Variants in TRAPPC8 observed in about 807,000 individuals in gnomAD.
TRAPPC8 encodes general sporulation gene 1 homolog.
Under a neutral mutation model 174.3 loss-of-function variants are expected in TRAPPC8, and 54 were observed. The ratio of observed to expected loss-of-function variants is 0.31; its 90% CI spans 0.25 to 0.39. TRAPPC8 has a LOEUF of 0.39. TRAPPC8 is among the 10% of genes least tolerant of loss of function. The probability of loss-of-function intolerance (pLI) is 1.00; values close to 1 mark genes in which losing one functional copy is unlikely to be tolerated. For synonymous variants in TRAPPC8, 630 were observed against 579.9 expected (o/e 1.09, Z -1.24); for missense variants, 1,531 against 1,699.1 (o/e 0.90, Z 1.74).
chr18:31,929,657 C>A (rs1046858033), intron 2 of TRAPPC8, among the ~76,000 whole-genome samples: 1 of 152,122 alleles, frequency 6.6e-6, no homozygotes, highest in Non-Finnish European at 1.5e-5. Context: ...CAGAGTGAGA[C>A]CCTGTCACAA....
At chr18:31,899,281 C>T (rs1372457815) in intron 10 of TRAPPC8, among the ~76,000 whole-genome samples, 2 of 152,198 alleles carry the variant, frequency 1.3e-5, no homozygotes, top group African/African-American at 4.8e-5. Flanking sequence ...TCAGTTTCCT[C>T]ATCTGTAAAA....
chr18:31,917,622 G>A lies in TRAPPC8; in HGVS notation c.398C>T (p.Ser133Leu), dbSNP rs571192654. 29 of 1,613,362 alleles carry A rather than the reference G, an allele frequency of 1.8e-5. No individual in the cohort carries two copies. The highest frequency in any genetic ancestry group is 4.5e-5 in the East Asian group (2 of 44,834). ...AAATTCATGATCCAATGCTGGCATC[G>A]ACTGAAGAAAGGTTTCTCTGTAAGA... ...FESYRETFLQ[S>L]MPALDHEFLN... Residue 133 changes from serine to leucine, a missense_variant, in exon 3 of 29, where the codon TCG (serine) becomes TTG (leucine). Physicochemically the swap from Ser to Leu is moderately radical, Grantham distance 145 (BLOSUM62 -2). Transcript: ENST00000283351.
chr18:31,837,299 A>C (rs1018015507), intron 27 of TRAPPC8, among the ~76,000 whole-genome samples: 1 of 147,694 alleles, frequency 6.8e-6, no homozygotes, highest in African/African-American at 2.5e-5. Flanking sequence ...CAAATTAGTA[A>C]AACCACTTTG....
chr18:31,846,035 A>G (rs1012097623), intron 26 of TRAPPC8, among the ~76,000 whole-genome samples: 1 of 152,144 alleles, frequency 6.6e-6, no homozygotes, highest in Non-Finnish European at 1.5e-5. Context: ...GAGCTCTGCA[A>G]TGATATCCTG....
At chr18:31,861,665 G>A (rs183046074) in intron 19 of TRAPPC8, among the ~76,000 whole-genome samples, 3 of 151,978 alleles carry the variant, frequency 2.0e-5, no homozygotes, top group East Asian at 1.9e-4. Flanking sequence ...TGCTGGGCAC[G>A]GTTGCTCATG....
intron 25 of TRAPPC8, among the ~76,000 whole-genome samples, chr18:31,849,350 G>A (rs898226180): frequency 6.6e-6 from 1 of 151,344 alleles, no homozygotes; most frequent in East Asian, 1.9e-4. Context: ...CAATATTCTC[G>A]GTAACACACA....
Position 31,830,401 on chromosome 18 carries a change from GCCTTT to G in TRAPPC8, c.*349_*353del, listed in dbSNP as rs1233475731. ...GCTTAACAGGAGTACTGCCAACAAG[GCCTTT>G]CCTTTCTCAGAATCATCTCCTAATA... On this transcript the variant is annotated 3_prime_UTR_variant, in exon 29 of 29. Coordinates refer to ENST00000283351, the MANE Select transcript of TRAPPC8 (RefSeq NM_014939.5). The G allele has an allele frequency of 5.2e-6, 1 of 191,738 alleles. No homozygotes were observed. Among genetic ancestry groups the G allele is most frequent in the Non-Finnish European group, 1.1e-5 (1 of 93,456 alleles). 11.9% of individuals were successfully genotyped at this position (191,738 alleles called of 1,614,324 possible).
In TRAPPC8 at chr18:31,907,721, C is replaced by T. The variant is rs913516446; in HGVS notation, c.1239-111G>A. 3.2e-6 allele frequency: 3 copies of T among 925,320 alleles called. No individual in the cohort carries two copies. The East Asian group carries it at 8.9e-5, about 27-fold the overall frequency. The allele number at this position is 925,320 out of a possible 1,614,324, so 57.3% of individuals were successfully genotyped here. A position where few individuals can be genotyped will look rare whatever the true frequency, so the allele number is the denominator to read the frequency against. ...TTCTAGAATATGAAGAAAACTAATG[C>T]TGTTTCAAAGAAATTCTACCTCCAA... On this transcript the variant is annotated intron_variant, in intron 8 of 28. Coordinates refer to ENST00000283351, the MANE Select transcript of TRAPPC8 (RefSeq NM_014939.5).
At chr18:31,919,592 A>AT (rs35005941) in intron 2 of TRAPPC8, among the ~76,000 whole-genome samples, 59 of 61,668 alleles carry the variant, frequency 9.6e-4, no homozygotes, top group Middle Eastern at 6.4e-3. Context: ...AAATAAATAA[A>AT]ATAATAATAA....
At chr18:31,854,042 T>C in intron 21 of TRAPPC8, 97 bp from the exon 22 acceptor site, 1 of 894,356 alleles carries the variant, frequency 1.1e-6, no homozygotes, top group Non-Finnish European at 1.7e-6. Context: ...CCAAAGTCAA[T>C]GTCAATTAAC....
chr18:31,903,875 T>C (rs200432506), intron 9 of TRAPPC8, among the ~76,000 whole-genome samples: 5 of 147,612 alleles, frequency 3.4e-5, no homozygotes, highest in East Asian at 4.0e-4. Context: ...AAAAACAAAC[T>C]CATTCTACTG....
chr18:31,863,392 A>G (rs1313264807), intron 19 of TRAPPC8, among the ~76,000 whole-genome samples: 1 of 152,216 alleles, frequency 6.6e-6, no homozygotes, highest in East Asian at 1.9e-4. Flanking sequence ...TAGAACATGG[A>G]CAAAATATAT....
chr18:31,879,715 A>G (rs770386014), intron 12 of TRAPPC8, among the ~76,000 whole-genome samples: 4 of 152,088 alleles, frequency 2.6e-5, no homozygotes, highest in Non-Finnish European at 5.9e-5. Context: ...TGATGAGACT[A>G]CTAGGCAAGA....
chr18:31,915,888 G>GAAA (rs775582621), intron 4 of TRAPPC8, among the ~76,000 whole-genome samples: 1 of 82,856 alleles, frequency 1.2e-5, no homozygotes, highest in Non-Finnish European at 2.3e-5. Context: ...CTCCATCTCA[G>GAAA]AAAAAAAAAA....
At position 31,943,111 on chromosome 18, in the gene TRAPPC8, C is replaced by G. The variant is rs914687117; in HGVS notation, c.-347G>C. ...CGCCATGTTGAGGCCGAACCCTGAC[C>G]AACCGGCAGTACTACTCCCAGCTGC... On this transcript the variant is annotated 5_prime_UTR_variant, in exon 1 of 29. Transcript: ENST00000283351. The G allele has an allele frequency of 2.5e-6, 1 of 402,986 alleles. No homozygotes were observed. The highest frequency in any genetic ancestry group is 2.1e-5 in the African/African-American group (1 of 48,624). 25.0% of individuals were successfully genotyped at this position (402,986 alleles called of 1,614,324 possible).
chr18:31,838,370 T>C (rs1415888820), intron 27 of TRAPPC8, among the ~76,000 whole-genome samples: 3 of 152,204 alleles, frequency 2.0e-5, no homozygotes, highest in Non-Finnish European at 4.4e-5. Flanking sequence ...GTCCCTTCTT[T>C]AGCGCAAAGC....
chr18:31,929,910 G>T (rs1010157800), intron 2 of TRAPPC8, among the ~76,000 whole-genome samples: 4 of 151,842 alleles, frequency 2.6e-5, no homozygotes, highest in Admixed American at 1.3e-4. Flanking sequence ...AGATTTTTTT[G>T]ACTGGTAAAG....
chr18:31,857,741 A>G lies in TRAPPC8; in HGVS notation c.2987T>C (p.Ile996Thr), dbSNP rs1442986667. Residue 996 changes from isoleucine (I) to threonine (T), a missense_variant, in exon 20 of 29, where the codon ATA becomes ACA. Physicochemically the swap from Ile to Thr is moderately conservative, Grantham distance 89 (BLOSUM62 -1). Coordinates refer to ENST00000283351, the MANE Select transcript of TRAPPC8 (RefSeq NM_014939.5). ...AAAGTCTACAGAAGAAGCTGATGAT[A>G]TGAGTGCTGTACACACAGAGGTAGC... ...TDATSVCTAL[I>T]SSASSVDFGI... The G allele has an allele frequency of 1.3e-5, 21 of 1,614,054 alleles. No individual in the cohort carries two copies. Among genetic ancestry groups the G allele is most frequent in the Non-Finnish European group, 1.5e-5 (18 of 1,180,026 alleles).
rs1414381468 is a variant in TRAPPC8, at chr18:31,913,444, T to C, written c.696A>G (p.Thr232=). 1.4e-5 allele frequency: 22 copies of C among 1,611,854 alleles called. No individual in the cohort carries two copies. Among genetic ancestry groups the C allele is most frequent in the Admixed American group, 1.7e-5 (1 of 59,682 alleles). ...GCYLLKINSR[T]SNRASDEQIP... is the part of the protein sequence containing the mutation. ...TCTGTTCATCTGATGCTCGATTAGA[T>C]GTTCGAGAATTAATTTTAAGTAAAT... Residue 232 remains threonine, a synonymous_variant, in exon 5 of 29, where the codon ACA becomes ACG. Coordinates refer to ENST00000283351, the MANE Select transcript of TRAPPC8 (RefSeq NM_014939.5).
Sources: gnomAD v4.1 joint callset for allele counts (sites outside exome capture counted in the v4.1 genomes callset) on GRCh38, gnomAD v4.1.1 for gene constraint, MANE v1.5 for transcripts, NCBI Gene and HGNC (gene_info 2026-07-23, HGNC 2026-07-21) for gene names.